Variants in COG7 observed in about 807,000 individuals in gnomAD.
The protein encoded by COG7 is conserved oligomeric Golgi complex subunit 7.
In COG7, 49 loss-of-function variants were observed where a neutral mutation model predicts 91.5. The observed-to-expected ratio is 0.54, with a 90% CI of 0.43 to 0.68. The LOEUF (loss-of-function observed/expected upper bound fraction) is 0.68. Ranked by LOEUF, COG7 falls within the 30% of genes least tolerant of loss-of-function variation. The pLI is 0.00. For missense variants in COG7, 895 were observed against 961.3 expected (o/e 0.93, Z 0.91); for synonymous variants, 365 against 388.7 (o/e 0.94, Z 0.72).
At chr16:23,391,074 C>A (rs184100035) in intron 16 of COG7, among the ~76,000 whole-genome samples, 3 of 152,368 alleles carry the variant, frequency 2.0e-5, no homozygotes, top group African/African-American at 7.2e-5. Context: ...GTTTCATATA[C>A]TAGCCTTACC....
chr16:23,428,333 A>T (rs1051532136), intron 6 of COG7, among the ~76,000 whole-genome samples: 2 of 152,150 alleles, frequency 1.3e-5, no homozygotes, highest in Non-Finnish European at 2.9e-5. Flanking sequence ...TGGGTGACAG[A>T]GCAAGACTCT....
intron 4 of COG7, among the ~76,000 whole-genome samples, chr16:23,436,688 T>G (rs1964018604): frequency 6.6e-6 from 1 of 152,122 alleles, no homozygotes; most frequent in Admixed American, 6.6e-5. Flanking sequence ...ATCACACCAC[T>G]GCAGTCCAGC....
rs948431134 is a variant in COG7 at position 23,388,847 on chromosome 16, T to C, written c.*73A>G. ...CTTCTGCCCAATCTTGGGCAGAGTT[T>C]CTGAGCAAATCTGTGCTGGTGAGTC... On this transcript the variant is annotated 3_prime_UTR_variant, in exon 17 of 17. Transcript: ENST00000307149. The C allele has an allele frequency of 6.2e-7, 1 of 1,608,558 alleles. No individual in the cohort carries two copies. The highest frequency in any genetic ancestry group is 8.5e-7 in the Non-Finnish European group (1 of 1,178,200).
At chr16:23,413,703 T>C in intron 9 of COG7, 139 bp from the exon 10 acceptor site, 1 of 695,284 alleles carries the variant, frequency 1.4e-6, no homozygotes, top group Non-Finnish European at 2.6e-6. Flanking sequence ...CGAGTGAAAC[T>C]GCTTGTAAAC....
At chr16:23,399,012 GC>G (rs34359602) in intron 13 of COG7, among the ~76,000 whole-genome samples, 47,009 of 151,978 alleles carry the variant, frequency 0.31, 8,713 homozygotes, top group African/African-American at 0.52. Context: ...TCTAAAGCCA[GC>G]CCTGGAAAAC....
chr16:23,400,561 G>A (rs1031949342), intron 13 of COG7, among the ~76,000 whole-genome samples: 6 of 152,244 alleles, frequency 3.9e-5, no homozygotes, highest in African/African-American at 1.4e-4. Flanking sequence ...GGGGAGGCAG[G>A]AGGAGCAGCC....
intron 9 of COG7, chr16:23,415,178 C>T (rs1360069335): frequency 6.6e-6 from 1 of 152,214 alleles, no homozygotes; most frequent in African/African-American, 2.4e-5. Flanking sequence ...TTATAAGTCC[C>T]AGGAAGGAGA....
intron 16 of COG7, chr16:23,392,101 G>A (rs1477408597): frequency 1.5e-6 from 2 of 1,337,058 alleles, no homozygotes; most frequent in Admixed American, 6.2e-5. Flanking sequence ...GGTGGGGCCA[G>A]GCTGCAGGAC....
At chr16:23,442,904 C>A (rs1373891554) in intron 3 of COG7, among the ~76,000 whole-genome samples, 1 of 151,650 alleles carries the variant, frequency 6.6e-6, no homozygotes, top group Non-Finnish European at 1.5e-5. Context: ...TGTGGTCATG[C>A]GCACCTGTAG....
At chr16:23,393,119 A>T in intron 15 of COG7, 114 bp downstream of exon 15, 1 of 774,694 alleles carries the variant, frequency 1.3e-6, no homozygotes, top group East Asian at 2.7e-5. Context: ...TAGAAGGTTA[A>T]AAAAAAACAG....
In COG7 at chr16:23,416,966, C is replaced by T. The variant is rs772025445; in HGVS notation, c.1292+1G>A. ...TCTGGTCCCCAGTTCCCCAGCCTTA[C>T]TTGGCAAAGAGGGATTTCAGGGCTG... On this transcript the variant is annotated splice_donor_variant, in intron 9 of 16. Coordinates refer to ENST00000307149, the MANE Select transcript of COG7 (RefSeq NM_153603.4). LOFTEE classifies it high-confidence loss of function. 1.2e-6 allele frequency: 2 copies of T among 1,614,208 alleles called. No homozygotes were observed. The highest frequency in any genetic ancestry group is 3.3e-5 in the Admixed American group (2 of 60,028).
At chr16:23,420,333 T>C (rs1043499107) in intron 7 of COG7, among the ~76,000 whole-genome samples, 7 of 152,176 alleles carry the variant, frequency 4.6e-5, no homozygotes, top group Admixed American at 6.6e-5. Flanking sequence ...TGGCTCAGAA[T>C]CAGAAAGCTT....
chr16:23,399,526 G>A (rs551115192), intron 13 of COG7, among the ~76,000 whole-genome samples: 1 of 151,992 alleles, frequency 6.6e-6, no homozygotes, highest in East Asian at 1.9e-4. Context: ...AAGACCCCCT[G>A]ACATACTCCC....
rs772974898 is a variant in COG7, at chr16:23,388,882, C to T, written c.*38G>A. 1.9e-6 allele frequency: 3 copies of T among 1,612,550 alleles called. No individual in the cohort carries two copies. The highest frequency in any genetic ancestry group is 3.3e-5 in the Admixed American group (2 of 59,824). ...TCTGTGCTGGTGAGTCGCGAAACAG[C>T]AGCCCTGGCTCTCTTGGTGGTCCGG... On this transcript the variant is annotated 3_prime_UTR_variant, in exon 17 of 17. Coordinates refer to ENST00000307149, the MANE Select transcript of COG7 (RefSeq NM_153603.4).
intron 11 of COG7, among the ~76,000 whole-genome samples, chr16:23,409,326 G>A (rs111418772): frequency 2.6e-5 from 4 of 152,066 alleles, no homozygotes; most frequent in African/African-American, 4.8e-5. Context: ...TGTGATTTAC[G>A]GGCTGAGTAA....
chr16:23,416,730 C>T lies in COG7; in HGVS notation c.1292+237G>A, dbSNP rs543699693. The T allele has an allele frequency of 2.8e-5, 16 of 566,936 alleles. 1 individual carries two copies. Among genetic ancestry groups the T allele is most frequent in the African/African-American group, 2.8e-4 (15 of 53,398 alleles). The allele number at this position is 566,936 out of a possible 1,614,324, so 35.1% of individuals were successfully genotyped here. Reference sequence around the variant, plus strand: ...ATACTTTAACTGCTGCACAAGTTTCCCTCATATGAATATGTCACATCTTAA... The same window carrying T: ...ATACTTTAACTGCTGCACAAGTTTCTCTCATATGAATATGTCACATCTTAA... On this transcript the variant is annotated intron_variant, in intron 9 of 16. Coordinates refer to ENST00000307149, the MANE Select transcript of COG7 (RefSeq NM_153603.4).
chr16:23,400,697 C>T (rs1031369740), intron 13 of COG7, among the ~76,000 whole-genome samples: 1 of 152,126 alleles, frequency 6.6e-6, no homozygotes, highest in Non-Finnish European at 1.5e-5. Flanking sequence ...TGGCTGGCTG[C>T]GGTGGCTCAT....
At chr16:23,433,783 A>T in intron 5 of COG7, 116 bp from the exon 6 acceptor site, 5 of 1,161,958 alleles carry the variant, frequency 4.3e-6, no homozygotes, top group South Asian at 1.3e-5. Context: ...CTCACTGGGC[A>T]GCCCAGTGAG....
At chr16:23,438,725 T>C (rs1206788501) in intron 4 of COG7, among the ~76,000 whole-genome samples, 1 of 137,216 alleles carries the variant, frequency 7.3e-6, no homozygotes, top group Non-Finnish European at 1.5e-5. Flanking sequence ...AGTATGGCTA[T>C]AATCCAAAAA....
Sources: allele counts gnomAD v4.1 joint callset (sites outside exome capture counted in the v4.1 genomes callset), GRCh38; gene constraint gnomAD v4.1.1; transcripts MANE v1.5; gene names NCBI Gene and HGNC (gene_info 2026-07-23, HGNC 2026-07-21).